Variants in KCNN4 observed in about 807,000 individuals in gnomAD.
KCNN4 encodes the protein intermediate conductance calcium-activated potassium channel protein 4.
In KCNN4, 31 loss-of-function variants were observed where a neutral mutation model predicts 45.2. The observed-to-expected ratio is 0.69, with a 90% CI of 0.52 to 0.92. The LOEUF (loss-of-function observed/expected upper bound fraction) is 0.92. KCNN4 is among the 40% of genes least tolerant of loss of function. The probability of loss-of-function intolerance (pLI) is 0.00; values close to 1 mark genes in which losing one functional copy is unlikely to be tolerated. For missense variants in KCNN4, 463 were observed against 574.0 expected (o/e 0.81, Z 1.98); for synonymous variants, 231 against 254.6 (o/e 0.91, Z 0.88).
In KCNN4 at chr19:43,774,197, G is replaced by A. The variant is rs756742545; in HGVS notation, c.678C>T (p.Ala226=). 1 of 1,609,556 alleles carries A rather than the reference G, an allele frequency of 6.2e-7. No homozygotes were observed. The highest frequency in any genetic ancestry group is 1.7e-5 in the Admixed American group (1 of 59,842). Residue 226 remains alanine (A), a synonymous_variant, in exon 3 of 9, where the codon GCC becomes GCT. Coordinates refer to ENST00000648319, the MANE Select transcript of KCNN4 (RefSeq NM_002250.3). The surrounding 1 kb of genome is among the most constrained non-coding windows in gnomAD (Gnocchi z 5.6). ...WLTTAWVLSV[A]ERQAVNATGH... Reference sequence around the variant, plus strand: ...TATGCCTCCATCACCCTCACCTCTCGGCCACGGACAGCACCCAGGCGGTGG... The same window carrying A: ...TATGCCTCCATCACCCTCACCTCTCAGCCACGGACAGCACCCAGGCGGTGG...
At chr19:43,768,927 C>T (rs777173332) in intron 7 of KCNN4, 36 bp downstream of exon 7, 3 of 1,610,672 alleles carry the variant, frequency 1.9e-6, no homozygotes, top group South Asian at 1.1e-5. Flanking sequence ...CCAACCTCCC[C>T]CTTCTTCAAG....
intron 1 of KCNN4, 34 bp downstream of exon 1, chr19:43,780,669 G>A (rs201232851): frequency 2.9e-5 from 42 of 1,453,148 alleles, no homozygotes; most frequent in Non-Finnish European, 3.8e-5. Context: ...TCAGACCTAG[G>A]AGTCCCAGCT....
At chr19:43,767,235 G>A (rs952542631) in intron 8 of KCNN4, 146 bp from the exon 9 acceptor site, 1 of 330,736 alleles carries the variant, frequency 3.0e-6, no homozygotes, top group South Asian at 5.0e-5. Flanking sequence ...GGGGGCAGGA[G>A]GGCATTTAGA....
Position 43,772,127 on chromosome 19 carries a change from A to G in KCNN4, c.692T>C (p.Val231Ala). 1 of 1,613,564 alleles carries G rather than the reference A, an allele frequency of 6.2e-7. No individual in the cohort carries two copies. The highest frequency in any genetic ancestry group is 1.1e-5 in the South Asian group (1 of 91,020). Residue 231 changes from valine to alanine, a missense_variant, in exon 4 of 9, where the codon GTT (valine) becomes GCT (alanine). This residue lies in a region of KCNN4 where 109 missense variants were observed against 183.7 expected (regional missense o/e 0.59). Transcript: ENST00000648319. This position sits in a 1 kb window ranked among gnomAD's most constrained non-coding sequence, Gnocchi z 4.4. ...WVLSVAERQA[V>A]NATGHLSDTL... The stretch of plus-strand genomic sequence containing the variant: ...GTCTGAAAGGTGCCCAGTGGCATTA[A>G]CAGCCTGCCTATGGGGAAGGGTAGG...
intron 4 of KCNN4, among the ~76,000 whole-genome samples, chr19:43,771,333 G>A (rs1969637502): frequency 6.6e-6 from 1 of 152,160 alleles, no homozygotes; most frequent in Non-Finnish European, 1.5e-5. Context: ...GGCACTGTTG[G>A]AAGCACTTTA....
intron 1 of KCNN4, among the ~76,000 whole-genome samples, chr19:43,777,873 C>G (rs1318216290): frequency 6.6e-6 from 1 of 152,206 alleles, no homozygotes; most frequent in Admixed American, 6.5e-5. Flanking sequence ...GCTGCCAGCT[C>G]CCCTGGCTGG....
chr19:43,771,893 G>A, intron 4 of KCNN4, 107 bp downstream of exon 4: 3 of 1,360,062 alleles, frequency 2.2e-6, no homozygotes, highest in Non-Finnish European at 3.0e-6. Context: ...AGTTTCTCAG[G>A]AGCTGTCCCT....
In KCNN4 at chr19:43,774,737, G is replaced by T. The variant is rs1056810429; in HGVS notation, c.256-118C>A. 7.5e-6 allele frequency: 6 copies of T among 801,486 alleles called. No homozygotes were observed. The highest frequency in any genetic ancestry group is 1.1e-5 in the Non-Finnish European group (6 of 544,058). The allele number at this position is 801,486 out of a possible 1,614,324, so 49.6% of individuals were successfully genotyped here. The stretch of plus-strand genomic sequence containing the variant: ...GGGTGTGCCGCCTGGCCAGGAGGGA[G>T]GGAGTGCAGGGCGGGAGAGGGATAG... On this transcript the variant is annotated intron_variant, in intron 2 of 8. Coordinates refer to ENST00000648319, the MANE Select transcript of KCNN4 (RefSeq NM_002250.3). The surrounding 1 kb of genome is among the most constrained non-coding windows in gnomAD (Gnocchi z 5.6).
intron 8 of KCNN4, 196 bp downstream of exon 8, chr19:43,767,344 A>G (rs559136946): frequency 3.2e-6 from 2 of 626,064 alleles, no homozygotes; most frequent in Admixed American, 3.0e-5. Context: ...GGGTCAGTGA[A>G]GGGGAGAGGG....
Position 43,766,559 on chromosome 19 carries a change from A to G in KCNN4, c.*534T>C, listed in dbSNP as rs1042571188. The G allele has an allele frequency of 3.3e-5, 5 of 152,286 alleles. No homozygotes were observed. Among genetic ancestry groups the G allele is most frequent in the African/African-American group, 9.6e-5 (4 of 41,452 alleles). The allele number at this position is 152,286 out of a possible 1,614,324, so 9.4% of individuals were successfully genotyped here. On this transcript the variant is annotated 3_prime_UTR_variant, in exon 9 of 9. Transcript: ENST00000648319. Reference sequence around the variant, plus strand: ...TCTGGCTTTAACATTTATTACAAAGATAAGAGCAGAGGCTGGTGAGTTACA... The same window carrying G: ...TCTGGCTTTAACATTTATTACAAAGGTAAGAGCAGAGGCTGGTGAGTTACA...
chr19:43,774,411 G>A lies in KCNN4; in HGVS notation c.464C>T (p.Ala155Val), dbSNP rs1969734841. Residue 155 changes from alanine to valine, a missense_variant, in exon 3 of 9, where the codon GCC becomes GTC. Ala to Val is a moderately conservative substitution (Grantham distance 64). This residue lies in a region of KCNN4 where 225 missense variants were observed against 240.9 expected (regional missense o/e 0.93). Coordinates refer to ENST00000648319, the MANE Select transcript of KCNN4 (RefSeq NM_002250.3). This position sits in a 1 kb window ranked among gnomAD's most constrained non-coding sequence, Gnocchi z 5.6. Reference sequence around the variant, plus strand: ...CACCAGGTAGAGACGCAGCAGCATGGCCAGGGACAGCAGCGCTTCCCCTTG... The same window carrying A: ...CACCAGGTAGAGACGCAGCAGCATGACCAGGGACAGCAGCGCTTCCCCTTG... ...LGQGEALLSL[A>V]MLLRLYLVPR... 3.8e-6 allele frequency: 6 copies of A among 1,598,046 alleles called. No individual in the cohort carries two copies. The highest frequency in any genetic ancestry group is 1.7e-5 in the Admixed American group (1 of 57,504).
rs1379645460 is a variant in KCNN4 at position 43,774,827 on chromosome 19, C to G, written c.256-208G>C. ...CTTTTTCCTCCTTCCCCACCACCCA[C>G]CCCACTAGTTTCAGCCCACTTCCAG... On this transcript the variant is annotated intron_variant, in intron 2 of 8. Coordinates refer to ENST00000648319, the MANE Select transcript of KCNN4 (RefSeq NM_002250.3). The surrounding 1 kb of genome is among the most constrained non-coding windows in gnomAD (Gnocchi z 5.6). Among the ~76,000 whole-genome samples the G allele has an allele frequency of 6.6e-6, 1 of 152,186 alleles. No homozygotes were observed. The highest frequency in any genetic ancestry group is 1.5e-5 in the Non-Finnish European group (1 of 68,030).
At chr19:43,777,301 G>GTGTC (rs1454292904) in intron 1 of KCNN4, among the ~76,000 whole-genome samples, 1 of 143,316 alleles carries the variant, frequency 7.0e-6, no homozygotes, top group Non-Finnish European at 1.5e-5. Flanking sequence ...TTCTTCAGGT[G>GTGTC]TGTGTGTGTG....
At chr19:43,771,063 C>T (rs938278430) in intron 4 of KCNN4, among the ~76,000 whole-genome samples, 7 of 151,946 alleles carry the variant, frequency 4.6e-5, no homozygotes, top group South Asian at 2.1e-4. Context: ...CTTAGGTCCC[C>T]GAGGGTGAGG....
rs1969683240 is a variant in KCNN4, at chr19:43,772,934, T to C, written c.684-799A>G. ...TCTCCCATCATTCAATTGAGAAACA[T>C]GGTGGGGGGATCATTCATTAATCCT... On this transcript the variant is annotated intron_variant, in intron 3 of 8. Transcript: ENST00000648319. The surrounding 1 kb of genome is among the most constrained non-coding windows in gnomAD (Gnocchi z 4.4). Among the ~76,000 whole-genome samples the C allele has an allele frequency of 6.6e-6, 1 of 152,180 alleles. No homozygotes were observed. Among genetic ancestry groups the C allele is most frequent in the East Asian group, 1.9e-4 (1 of 5,192 alleles).
rs1451588375 is a variant in KCNN4, at chr19:43,769,780, T to C, written c.869A>G (p.Glu290Gly). The C allele has an allele frequency of 1.9e-6, 3 of 1,613,788 alleles. No homozygotes were observed. Among genetic ancestry groups the C allele is most frequent in the South Asian group, 2.2e-5 (2 of 91,076 alleles). The change falls in exon 5 of 9, where the codon GAG becomes GGG. Residue 290 changes from glutamate to glycine, a missense_variant. Glu to Gly is a moderately conservative substitution (Grantham distance 98). Around this residue, in one of 3 missense-constraint regions of KCNN4, gnomAD observed 109 missense variants for 183.7 expected, o/e 0.59. Coordinates refer to ENST00000648319, the MANE Select transcript of KCNN4 (RefSeq NM_002250.3). The surrounding 1 kb of genome is among the most constrained non-coding windows in gnomAD (Gnocchi z 4.4). ...CACGTGCTTCTCTGCCTTGTTAAAC[T>C]CCAGCTTCCGGGCCACCACGGCCAC... is the stretch of plus-strand genomic sequence containing the variant. The part of the protein sequence containing the change: ...LLVAVVARKL[E>G]FNKAEKHVHN...
rs1969739805 is a variant in KCNN4, at chr19:43,774,522, T to A, written c.353A>T (p.His118Leu). 1 of 1,595,618 alleles carries A rather than the reference T, an allele frequency of 6.3e-7. No individual in the cohort carries two copies. The highest frequency in any genetic ancestry group is 1.1e-5 in the South Asian group (1 of 90,308). ...IVLELVVCGL[H>L]PAPVRGPPCV... is the part of the protein sequence containing the mutation. Reference sequence around the variant, plus strand: ...CGGCGGGCCCCGCACGGGCGCCGGGTGCAGCCCACACACCACCAGCTCCAG... The same window carrying A: ...CGGCGGGCCCCGCACGGGCGCCGGGAGCAGCCCACACACCACCAGCTCCAG... Residue 118 changes from histidine (H) to leucine (L), a missense_variant, in exon 3 of 9, where the codon CAC (histidine) becomes CTC (leucine). Coordinates refer to ENST00000648319, the MANE Select transcript of KCNN4 (RefSeq NM_002250.3). This position sits in a 1 kb window ranked among gnomAD's most constrained non-coding sequence, Gnocchi z 5.6.
intron 7 of KCNN4, 45 bp from the exon 8 acceptor site, chr19:43,767,752 C>T: frequency 6.2e-7 from 1 of 1,609,546 alleles, no homozygotes; most frequent in Non-Finnish European, 8.5e-7. Context: ...TGGGGTCGAC[C>T]CCCACCTACT....
chr19:43,774,719 C>T lies in KCNN4; in HGVS notation c.256-100G>A. The stretch of plus-strand genomic sequence containing the variant: ...TGCGCCCTGAGATAAGTGGGGTGTG[C>T]CGCCTGGCCAGGAGGGAGGGAGTGC... On this transcript the variant is annotated intron_variant, in intron 2 of 8. Coordinates refer to ENST00000648319, the MANE Select transcript of KCNN4 (RefSeq NM_002250.3). The surrounding 1 kb of genome is among the most constrained non-coding windows in gnomAD (Gnocchi z 5.6). The T allele has an allele frequency of 9.5e-7, 1 of 1,048,684 alleles. No individual in the cohort carries two copies. 65.0% of individuals were successfully genotyped at this position (1,048,684 alleles called of 1,614,324 possible).
Sources: gnomAD v4.1 joint callset for allele counts (sites outside exome capture counted in the v4.1 genomes callset) on GRCh38, gnomAD v4.1.1 for gene constraint, gnomAD v4.1.1 regional missense constraint, Gnocchi (gnomAD v3.1) non-coding constraint, MANE v1.5 for transcripts, NCBI Gene and HGNC (gene_info 2026-07-23, HGNC 2026-07-21) for gene names.